Variants in IMMP2L observed in about 807,000 individuals in gnomAD.
The protein encoded by IMMP2L is mitochondrial inner membrane protease subunit 2.
IMMP2L carries 18 observed loss-of-function variants against 19.3 expected under a neutral mutation model. That is an observed-to-expected ratio of 0.93 (90% CI 0.64 to 1.38). IMMP2L has a LOEUF of 1.38. IMMP2L is among the 40% of genes most tolerant of loss of function. The pLI, the probability that IMMP2L is intolerant of heterozygous loss-of-function variation, is 0.00. For missense variants in IMMP2L, 233 were observed against 218.2 expected (o/e 1.07, Z -0.43); for synonymous variants, 76 against 73.0 (o/e 1.04, Z -0.21).
chr7:111,551,201 T>C (rs560209433), intron 1 of IMMP2L, among the ~76,000 whole-genome samples: 1 of 152,280 alleles, frequency 6.6e-6, no homozygotes, highest in South Asian at 2.1e-4. Context: ...AATGCTACAT[T>C]TTTCAAAGGA....
At chr7:111,425,296 A>AC in intron 3 of IMMP2L, among the ~76,000 whole-genome samples, 1 of 144,942 alleles carries the variant, frequency 6.9e-6, no homozygotes, top group Non-Finnish European at 1.6e-5. Context: ...ACTTTCTGGG[A>AC]TGATGTTAAT....
intron 3 of IMMP2L, among the ~76,000 whole-genome samples, chr7:111,206,861 T>G (rs1371037977): frequency 1.3e-5 from 2 of 152,090 alleles, no homozygotes; most frequent in Admixed American, 1.3e-4. Flanking sequence ...ATAAGCCTCA[T>G]CAGGGGAGAT....
intron 3 of IMMP2L, among the ~76,000 whole-genome samples, chr7:111,126,381 T>C (rs2129591408): frequency 6.6e-6 from 1 of 152,282 alleles, no homozygotes; most frequent in African/African-American, 2.4e-5. Flanking sequence ...TGAAATTTCT[T>C]TTATTTAGCT....
intron 3 of IMMP2L, among the ~76,000 whole-genome samples, chr7:110,981,900 A>C (rs1289580922): frequency 1.3e-5 from 2 of 152,102 alleles, no homozygotes; most frequent in East Asian, 1.9e-4. Flanking sequence ...AAGTGTCTTC[A>C]AACACCTGGA....
chr7:110,764,386 A>G (rs892399000), intron 5 of IMMP2L, among the ~76,000 whole-genome samples: 20 of 152,132 alleles, frequency 1.3e-4, no homozygotes, highest in African/African-American at 4.8e-4. Context: ...TTAATCATAA[A>G]GCAATATATG....
At chr7:110,903,538 T>C (rs549294315) in intron 4 of IMMP2L, among the ~76,000 whole-genome samples, 2 of 152,310 alleles carry the variant, frequency 1.3e-5, no homozygotes, top group South Asian at 4.1e-4. Flanking sequence ...CTAGCTTATT[T>C]CACTTAGCAT....
At chr7:111,343,694 T>G (rs1827257106) in intron 3 of IMMP2L, among the ~76,000 whole-genome samples, 1 of 151,704 alleles carries the variant, frequency 6.6e-6, no homozygotes, top group African/African-American at 2.4e-5. Context: ...AGCCCCATGC[T>G]GAGTCCTTGA....
At chr7:110,917,453 G>T (rs765528730) in intron 4 of IMMP2L, among the ~76,000 whole-genome samples, 1 of 152,040 alleles carries the variant, frequency 6.6e-6, no homozygotes, top group East Asian at 1.9e-4. Flanking sequence ...ATAGTGATAC[G>T]TTTCTTACAG....
intron 3 of IMMP2L, among the ~76,000 whole-genome samples, chr7:111,281,188 A>AG (rs1317026955): frequency 3.4e-5 from 2 of 59,554 alleles, no homozygotes; most frequent in African/African-American, 1.4e-4. Flanking sequence ...GAAAGAAAGA[A>AG]AGAAAGAAAG....
intron 3 of IMMP2L, among the ~76,000 whole-genome samples, chr7:111,262,383 A>G (rs1381314853): frequency 6.6e-6 from 1 of 152,090 alleles, no homozygotes; most frequent in Non-Finnish European, 1.5e-5. Context: ...TGAGCCGGCT[A>G]TGAGAAGATC....
At chr7:110,977,025 A>G (rs1820766992) in intron 3 of IMMP2L, among the ~76,000 whole-genome samples, 1 of 152,016 alleles carries the variant, frequency 6.6e-6, no homozygotes, top group African/African-American at 2.4e-5. Context: ...TCCCATTTCC[A>G]AAGTTTTTTA....
At chr7:110,963,419 C>T in intron 4 of IMMP2L, 81 bp downstream of exon 4, 1 of 990,038 alleles carries the variant, frequency 1.0e-6, no homozygotes, top group Non-Finnish European at 1.5e-6. Context: ...TCATGGACTT[C>T]AGATGTATTT....
chr7:111,532,329 G>C (rs1847468838), intron 1 of IMMP2L, among the ~76,000 whole-genome samples: 1 of 152,048 alleles, frequency 6.6e-6, no homozygotes, highest in South Asian at 2.1e-4. Flanking sequence ...TCTTATTTTA[G>C]AATGGTACAA....
At chr7:111,058,375 T>C (rs1371193306) in intron 3 of IMMP2L, among the ~76,000 whole-genome samples, 1 of 152,216 alleles carries the variant, frequency 6.6e-6, no homozygotes, top group Non-Finnish European at 1.5e-5. Context: ...CTAGCTTGTT[T>C]GCAATAATTC....
At chr7:110,664,562 T>C (rs1227577402) in intron 5 of IMMP2L, among the ~76,000 whole-genome samples, 1 of 152,152 alleles carries the variant, frequency 6.6e-6, no homozygotes, top group African/African-American at 2.4e-5. Context: ...ACATCTTAAA[T>C]CTTAAAGACA....
At chr7:111,042,046 C>T (rs1791948331) in intron 3 of IMMP2L, among the ~76,000 whole-genome samples, 1 of 152,180 alleles carries the variant, frequency 6.6e-6, no homozygotes, top group African/African-American at 2.4e-5. Context: ...ATAAGTATTA[C>T]ATAGTGTGTG....
chr7:111,268,569 C>CTTTTTTTTTTTTTTTTTTTTT (rs762576425), intron 3 of IMMP2L, among the ~76,000 whole-genome samples: 3 of 44,592 alleles, frequency 6.7e-5, no homozygotes, highest in African/African-American at 1.0e-4. Flanking sequence ...TCACATTTCT[C>CTTTTTTTTTTTTTTTTTTTTT]TTTTTTTTTT....
intron 5 of IMMP2L, among the ~76,000 whole-genome samples, chr7:110,705,373 AC>A (rs779978990): frequency 3.3e-5 from 5 of 152,154 alleles, no homozygotes; most frequent in Non-Finnish European, 7.3e-5. Flanking sequence ...ACTGCATAGC[AC>A]TTTCCTTATT....
In IMMP2L at chr7:111,188,096, T is replaced by C. The variant is rs1586744062; in HGVS notation, c.240-224531A>G. 5.3e-5 allele frequency among the ~76,000 whole-genome samples: 8 copies of C among 152,184 alleles called. 2 individuals are homozygous for C. Among genetic ancestry groups the C allele is most frequent in the Admixed American group, 5.2e-4 (8 of 15,280 alleles). On this transcript the variant is annotated intron_variant, in intron 3 of 5. Coordinates refer to ENST00000405709, the MANE Select transcript of IMMP2L (RefSeq NM_032549.4). ...TCTGGAGAGGAAAAGTAGATGTCAG[T>C]GCTTATAGCTTGCCAGTCTACCGCT... is the stretch of plus-strand genomic sequence containing the variant.
Sources: allele counts gnomAD v4.1 joint callset (sites outside exome capture counted in the v4.1 genomes callset), GRCh38; gene constraint gnomAD v4.1.1; transcripts MANE v1.5; gene names NCBI Gene and HGNC (gene_info 2026-07-23, HGNC 2026-07-21).